SPON1: variants seen among roughly 807,000 people sequenced by gnomAD.
The protein encoded by SPON1 is spondin 1, also known as spondin-1.
SPON1 carries 52 observed loss-of-function variants against 111.7 expected under a neutral mutation model. The observed-to-expected ratio is 0.47, with a 90% CI of 0.37 to 0.59. The LOEUF (loss-of-function observed/expected upper bound fraction) is 0.59. SPON1 is among the 20% of genes least tolerant of loss of function. SPON1 has a pLI of 0.00. For missense variants in SPON1, 957 were observed against 1,068.5 expected (o/e 0.90, Z 1.46); for synonymous variants, 410 against 395.8 (o/e 1.04, Z -0.43).
At chr11:14,263,971 G>C (rs1192208605) in intron 15 of SPON1, among the ~76,000 whole-genome samples, 6 of 151,648 alleles carry the variant, frequency 4.0e-5, no homozygotes, top group Non-Finnish European at 5.9e-5. Flanking sequence ...AGAGGTTGCA[G>C]TGAGCCAAGA....
At chr11:14,229,402 C>T (rs1848771466) in intron 6 of SPON1, among the ~76,000 whole-genome samples, 1 of 152,124 alleles carries the variant, frequency 6.6e-6, no homozygotes, top group Non-Finnish European at 1.5e-5. Flanking sequence ...AAAGCATGAG[C>T]CTTTGGTGCG....
intron 7 of SPON1, among the ~76,000 whole-genome samples, chr11:14,253,624 CCAGCTGGACTGAA>C (rs1849075702): frequency 6.6e-6 from 1 of 152,202 alleles, no homozygotes; most frequent in African/African-American, 2.4e-5. Flanking sequence ...AGACCAGCTG[CCAGCTGGACTGAA>C]CAGAACAGTT....
At chr11:14,126,907 A>G (rs782633981) in intron 5 of SPON1, among the ~76,000 whole-genome samples, 8 of 152,050 alleles carry the variant, frequency 5.3e-5, no homozygotes, top group Non-Finnish European at 1.0e-4. Flanking sequence ...TAACCACCTC[A>G]TTCTGCAGGC....
chr11:14,020,387 G>A (rs1564887223), intron 2 of SPON1, among the ~76,000 whole-genome samples: 1 of 152,228 alleles, frequency 6.6e-6, no homozygotes, highest in Non-Finnish European at 1.5e-5. Flanking sequence ...CAGTGAGGAG[G>A]TCAGAGTGAC....
At chr11:14,115,016 T>C (rs1420872609) in intron 5 of SPON1, among the ~76,000 whole-genome samples, 1 of 152,202 alleles carries the variant, frequency 6.6e-6, no homozygotes, top group African/African-American at 2.4e-5. Context: ...AGGCAGGCAC[T>C]TCTGTCCCAG....
At chr11:14,044,542 G>T (rs184750080) in intron 3 of SPON1, among the ~76,000 whole-genome samples, 1 of 152,190 alleles carries the variant, frequency 6.6e-6, no homozygotes, top group Non-Finnish European at 1.5e-5. Flanking sequence ...AATCTGAGGG[G>T]TGGCAGTTGC....
At chr11:14,008,150 T>A (rs1440098864) in intron 2 of SPON1, among the ~76,000 whole-genome samples, 26 of 152,238 alleles carry the variant, frequency 1.7e-4, no homozygotes, top group African/African-American at 5.8e-4. Context: ...ATACAGATTT[T>A]AAAAATACAG....
rs1849257448 is a variant in SPON1, at chr11:14,265,652, AAGG to A, written c.2392_2394del (p.Glu798del). On this transcript the variant is annotated inframe_deletion, in exon 16 of 16. Coordinates refer to ENST00000576479, the MANE Select transcript of SPON1 (RefSeq NM_006108.4). ...CCAGTTTACCAGCTGCAAAGACAAG[AAGG>A]AGATCAGAGCATGCAATGTTCATCC... 4 of 1,613,752 alleles carry A rather than the reference AAGG, an allele frequency of 2.5e-6. No homozygotes were observed. The highest frequency in any genetic ancestry group is 2.5e-6 in the Non-Finnish European group (3 of 1,179,800).
intron 6 of SPON1, among the ~76,000 whole-genome samples, chr11:14,153,817 C>T (rs566720268): frequency 5.5e-4 from 84 of 152,312 alleles, no homozygotes; most frequent in Non-Finnish European, 9.8e-4. Flanking sequence ...AAGTTAGCTA[C>T]TTCCAAGATA....
rs1847958505 is a variant in SPON1, at chr11:14,161,269, C to CTATATCTATATATATTTATATATTTA, written c.825+25702_825+25703insATATCTATATATATTTATATATTTAT. Among the ~76,000 whole-genome samples, 7 of 17,036 alleles carry CTATATCTATATATATTTATATATTTA rather than the reference C, an allele frequency of 4.1e-4. No individual in the cohort carries two copies. In the South Asian group the frequency reaches 6.7e-3, roughly 16 times the overall value. 11.2% of individuals were successfully genotyped at this position (17,036 alleles called of 152,430 possible). ...TCTATATATTTATATATTTATATAT[C>CTATATCTATATATATTTATATATTTA]TGTATATCTATATATATTTATATAT... is the stretch of plus-strand genomic sequence containing the variant. On this transcript the variant is annotated intron_variant, in intron 6 of 15. Transcript: ENST00000576479.
chr11:14,243,322 T>C lies in SPON1; in HGVS notation c.826-10T>C, dbSNP rs1554939876. On this transcript the variant is annotated splice_polypyrimidine_tract_variant and intron_variant, in intron 6 of 15. Coordinates refer to ENST00000576479, the MANE Select transcript of SPON1 (RefSeq NM_006108.4). ...TCTGTTCACTAAATATTTGTGGTCC[T>C]TTTTTGCAGAGTGATGAGGTCCTCA... 1.3e-6 allele frequency: 2 copies of C among 1,575,212 alleles called. No individual in the cohort carries two copies. The highest frequency in any genetic ancestry group is 2.3e-5 in the East Asian group (1 of 43,184).
chr11:14,060,322 C>T (rs573616117), intron 3 of SPON1, among the ~76,000 whole-genome samples: 1 of 152,164 alleles, frequency 6.6e-6, no homozygotes, highest in Non-Finnish European at 1.5e-5. Flanking sequence ...TACCTACATA[C>T]TATCTAATAC....
At chr11:14,113,423 C>T (rs1277165624) in intron 5 of SPON1, among the ~76,000 whole-genome samples, 2 of 152,126 alleles carry the variant, frequency 1.3e-5, no homozygotes, top group African/African-American at 4.8e-5. Flanking sequence ...TGGGTATGAG[C>T]CTGCTTTTGT....
intron 5 of SPON1, among the ~76,000 whole-genome samples, chr11:14,101,216 A>G (rs530122055): frequency 1.3e-5 from 2 of 152,170 alleles, no homozygotes; most frequent in African/African-American, 4.8e-5. Flanking sequence ...CCAGACCAAC[A>G]TGGTGAAACC....
chr11:14,174,572 TG>T (rs1554932910), intron 6 of SPON1, among the ~76,000 whole-genome samples: 1 of 151,734 alleles, frequency 6.6e-6, no homozygotes, highest in African/African-American at 2.4e-5. Flanking sequence ...ATGGGGCCTG[TG>T]GCACCTCCTC....
At chr11:14,220,396 A>G (rs1459277011) in intron 6 of SPON1, among the ~76,000 whole-genome samples, 1 of 152,208 alleles carries the variant, frequency 6.6e-6, no homozygotes, top group Non-Finnish European at 1.5e-5. Flanking sequence ...TCTTCAGAAG[A>G]CCAGCGTTAA....
rs1447661387 is a variant in SPON1 at position 14,166,438 on chromosome 11, G to A, written c.825+30870G>A. On this transcript the variant is annotated intron_variant, in intron 6 of 15. Coordinates refer to ENST00000576479, the MANE Select transcript of SPON1 (RefSeq NM_006108.4). ...GTCCTCTTGTCTCTGAAAACAAAAG[G>A]TTTAGCAATGTTTAACACATTAGCT... 1.3e-5 allele frequency among the ~76,000 whole-genome samples: 2 copies of A among 152,100 alleles called. 1 individual carries two copies. Among genetic ancestry groups the A allele is most frequent in the Admixed American group, 1.3e-4 (2 of 15,262 alleles).
chr11:14,154,048 T>C (rs564181022), intron 6 of SPON1, among the ~76,000 whole-genome samples: 42 of 152,318 alleles, frequency 2.8e-4, no homozygotes, highest in African/African-American at 9.4e-4. Context: ...CTTCTGTGGC[T>C]ATGCAGGGTA....
intron 5 of SPON1, among the ~76,000 whole-genome samples, chr11:14,116,733 C>T (rs892383162): frequency 6.6e-6 from 1 of 151,990 alleles, no homozygotes; most frequent in Non-Finnish European, 1.5e-5. Context: ...ATGTTAGAAT[C>T]ATGATCGATT....
Sources: allele counts gnomAD v4.1 joint callset (sites outside exome capture counted in the v4.1 genomes callset), GRCh38; gene constraint gnomAD v4.1.1; transcripts MANE v1.5; gene names NCBI Gene and HGNC (gene_info 2026-07-23, HGNC 2026-07-21).